Variants in SLC2A11 observed in about 807,000 individuals in gnomAD.
SLC2A11 encodes the protein solute carrier family 2, facilitated glucose transporter member 11.
A neutral mutation model predicts 52.1 loss-of-function variants in SLC2A11; 43 were observed. The ratio of observed to expected loss-of-function variants is 0.82; its 90% CI spans 0.65 to 1.06. SLC2A11 has a LOEUF of 1.06. Ranked by LOEUF, SLC2A11 falls within the 50% of genes least tolerant of loss-of-function variation. SLC2A11 has a pLI of 0.00. For missense variants in SLC2A11, 582 were observed against 654.2 expected (o/e 0.89, Z 1.20); for synonymous variants, 261 against 277.6 (o/e 0.94, Z 0.59).
In SLC2A11 at chr22:23,884,428, T is replaced by C. The variant is rs200410084; in HGVS notation, c.1298T>C (p.Met433Thr). The change falls in exon 11 of 12, where the codon ATG (methionine) becomes ACG (threonine). Residue 433 changes from methionine to threonine, a missense_variant and splice_region_variant. Transcript: ENST00000316185. The surrounding 1 kb of genome is among the most constrained non-coding windows in gnomAD (Gnocchi z 4.3). ...GTCGGCCTGGGATTTCCCTTTATCA[T>C]GGTAGGCCCGCCCCTCCCGCTGGGG... ...ILVGLGFPFI[M>T]EALSHFLYVP... 1.2e-6 allele frequency: 2 copies of C among 1,612,930 alleles called. No individual in the cohort carries two copies. The highest frequency in any genetic ancestry group is 1.3e-5 in the African/African-American group (1 of 74,996).
At chr22:23,862,983 C>G (rs534121670) in intron 2 of SLC2A11, among the ~76,000 whole-genome samples, 2 of 152,268 alleles carry the variant, frequency 1.3e-5, no homozygotes, top group African/African-American at 2.4e-5. Flanking sequence ...AGCGGTGAAG[C>G]CTTGAGCTAT....
upstream of SLC2A11, chr22:23,857,584 C>A (rs1213437451): frequency 1.8e-5 from 27 of 1,489,000 alleles, no homozygotes; most frequent in South Asian, 2.3e-5. Flanking sequence ...CAAACCCCCC[C>A]CCCGCGGCGG....
At chr22:23,870,237 T>G in intron 3 of SLC2A11, 2 of 558,098 alleles carry the variant, frequency 3.6e-6, no homozygotes, top group Middle Eastern at 2.9e-4. Context: ...TGATACCTGG[T>G]ACAGTTGGCA....
At chr22:23,856,974 A>G (rs1459914224), upstream of SLC2A11, 4 of 1,608,254 alleles carry the variant, frequency 2.5e-6, no homozygotes, top group South Asian at 4.4e-5. Flanking sequence ...CGCACAGATG[A>G]GAGCGCTCCG....
chr22:23,862,385 A>G, intron 2 of SLC2A11, 183 bp downstream of exon 2: 2 of 589,890 alleles, frequency 3.4e-6, no homozygotes, highest in Non-Finnish European at 6.1e-6. Flanking sequence ...CCAAACCTGC[A>G]TGTCCTCCTG....
chr22:23,858,221 G>A (rs1940229808), intron 1 of SLC2A11, 192 bp downstream of exon 1: 2 of 891,638 alleles, frequency 2.2e-6, no homozygotes, highest in African/African-American at 1.7e-5. Flanking sequence ...GCCCAGGGTC[G>A]GCCTGTGGGC....
chr22:23,877,017 G>T, intron 4 of SLC2A11, 25 bp from the exon 5 acceptor site: 1 of 1,613,706 alleles, frequency 6.2e-7, no homozygotes, highest in Non-Finnish European at 8.5e-7. Context: ...GGTGGCTGAC[G>T]TGCCTCTGCT....
intron 4 of SLC2A11, among the ~76,000 whole-genome samples, chr22:23,875,569 G>A (rs2032591220): frequency 6.6e-6 from 1 of 152,116 alleles, no homozygotes; most frequent in Non-Finnish European, 1.5e-5. Flanking sequence ...AAGGGATATA[G>A]GATGAGTTTT....
rs563261515 is a variant in SLC2A11, at chr22:23,869,317, A to C, written c.290+676A>C. On this transcript the variant is annotated intron_variant, in intron 3 of 11. Transcript: ENST00000316185. The stretch of plus-strand genomic sequence containing the variant: ...AGCCTGACCAACATGGTGAAAACCT[A>C]TCTCTACTAAACATACAAAAATTAG... The C allele has an allele frequency of 1.2e-3, 188 of 152,758 alleles. No homozygotes were observed. In the Middle Eastern group the frequency reaches 0.014, roughly 11 times the overall value. 9.5% of individuals were successfully genotyped at this position (152,758 alleles called of 1,614,324 possible). A position where few individuals can be genotyped will look rare whatever the true frequency, so the allele number is the denominator to read the frequency against.
At chr22:23,861,290 C>CAAAAA (rs56138210) in intron 1 of SLC2A11, among the ~76,000 whole-genome samples, 1 of 35,620 alleles carries the variant, frequency 2.8e-5, no homozygotes, top group African/African-American at 1.1e-4. Context: ...GACTCAGTCT[C>CAAAAA]AAAAAAAAAA....
Position 23,877,974 on chromosome 22 carries a change from T to C in SLC2A11, c.694+105T>C, listed in dbSNP as rs538189105. On this transcript the variant is annotated intron_variant, in intron 6 of 11. Coordinates refer to ENST00000316185, the MANE Select transcript of SLC2A11 (RefSeq NM_001024939.4). ...TAGGTTTCATTTATCAAGGAAAAGC[T>C]ATCCCTCTCTTTGTGCCTCAATTTC... is the stretch of plus-strand genomic sequence containing the variant. 129 of 1,333,534 alleles carry C rather than the reference T, an allele frequency of 9.7e-5. No homozygotes were observed. In the African/African-American group the frequency reaches 1.9e-3, roughly 19 times the overall value. The allele number at this position is 1,333,534 out of a possible 1,614,324, so 82.6% of individuals were successfully genotyped here.
chr22:23,860,194 G>A (rs892707409), intron 1 of SLC2A11, among the ~76,000 whole-genome samples: 3 of 152,126 alleles, frequency 2.0e-5, no homozygotes, highest in Admixed American at 2.0e-4. Context: ...GCCAAGGCGA[G>A]TGTATCGCTT....
At chr22:23,857,031 C>G, upstream of SLC2A11, 1 of 1,485,832 alleles carries the variant, frequency 6.7e-7, no homozygotes, top group Non-Finnish European at 9.1e-7. Flanking sequence ...TTCCCGTCCT[C>G]TGGGGAAAGG....
intron 1 of SLC2A11, among the ~76,000 whole-genome samples, chr22:23,858,761 G>C (rs1470943814): frequency 1.3e-5 from 2 of 152,014 alleles, no homozygotes; most frequent in African/African-American, 4.8e-5. Flanking sequence ...CACTTCCTAC[G>C]CCCCTTCACT....
chr22:23,857,725 C>T (rs2031899622), upstream of SLC2A11: 7 of 1,243,624 alleles, frequency 5.6e-6, no homozygotes, highest in Non-Finnish European at 7.6e-6. Context: ...TGCGCCTGAG[C>T]TTGAGTCTCA....
intron 8 of SLC2A11, 73 bp from the exon 9 acceptor site, chr22:23,883,699 C>T: frequency 1.6e-6 from 2 of 1,268,840 alleles, no homozygotes; most frequent in Non-Finnish European, 1.1e-6. Context: ...CTCAGGAGAC[C>T]CCTTCCCATT....
At chr22:23,868,075 A>T (rs554144210) in intron 2 of SLC2A11, 72 of 294,516 alleles carry the variant, frequency 2.4e-4, no homozygotes, top group African/African-American at 1.5e-3. Flanking sequence ...GTGGGATTTG[A>T]TGCTAACTCC....
chr22:23,862,216 C>G lies in SLC2A11; in HGVS notation c.129+14C>G. The G allele has an allele frequency of 6.2e-7, 1 of 1,612,090 alleles. No individual in the cohort carries two copies. The highest frequency in any genetic ancestry group is 8.5e-7 in the Non-Finnish European group (1 of 1,178,122). ...GCCCCGACCTTGGTATGTATCCTCT[C>G]TGGGTGGAGACTGTCCCTGTCTGAG... On this transcript the variant is annotated intron_variant, in intron 2 of 11. Transcript: ENST00000316185.
At position 23,885,234 on chromosome 22, in the gene SLC2A11, A is replaced by G. The variant is rs1039816368; in HGVS notation, c.*385A>G. ...GCTGGGCATGGTGGTATGTGCTAAC[A>G]GCTCTAGCTACTCAGGAGGCTGAGG... On this transcript the variant is annotated 3_prime_UTR_variant, in exon 12 of 12. Transcript: ENST00000316185. The G allele has an allele frequency of 2.9e-5, 10 of 340,420 alleles. No homozygotes were observed. The highest frequency in any genetic ancestry group is 1.5e-4 in the African/African-American group (7 of 47,250). The allele number at this position is 340,420 out of a possible 1,614,324, so 21.1% of individuals were successfully genotyped here.
Sources: allele counts gnomAD v4.1 joint callset (sites outside exome capture counted in the v4.1 genomes callset), GRCh38; gene constraint gnomAD v4.1.1; non-coding constraint Gnocchi (gnomAD v3.1); transcripts MANE v1.5; gene names NCBI Gene and HGNC (gene_info 2026-07-23, HGNC 2026-07-21).